The following FNDC3A variants were observed in gnomAD, a reference collection of about 807,000 sequenced individuals.
FNDC3A encodes fibronectin type III domain containing 3A.
In FNDC3A, 32 loss-of-function variants were observed where a neutral mutation model predicts 148.9. The observed-to-expected ratio is 0.21, with a 90% CI of 0.16 to 0.29. The LOEUF is 0.29. FNDC3A is among the 10% of genes least tolerant of loss of function. FNDC3A has a pLI of 1.00. For missense variants in FNDC3A, 1,191 were observed against 1,452.8 expected (o/e 0.82, Z 2.93); for synonymous variants, 472 against 473.6 (o/e 1.00, Z 0.04).
chr13:49,096,949 G>A (rs991739522), intron 3 of FNDC3A, among the ~76,000 whole-genome samples: 1 of 152,092 alleles, frequency 6.6e-6, no homozygotes, highest in East Asian at 1.9e-4. Flanking sequence ...GGAACAGCAT[G>A]TGCAAAGCCC....
chr13:48,996,510 A>T (rs1013450168), intron 1 of FNDC3A, among the ~76,000 whole-genome samples: 1 of 152,220 alleles, frequency 6.6e-6, no homozygotes, highest in South Asian at 2.1e-4. Flanking sequence ...TAGCATTTAT[A>T]TTGTATTAGG....
intron 3 of FNDC3A, among the ~76,000 whole-genome samples, chr13:49,093,892 G>A (rs1005987830): frequency 6.6e-6 from 1 of 152,172 alleles, no homozygotes; most frequent in Non-Finnish European, 1.5e-5. Flanking sequence ...GGGGCAAACA[G>A]AGTCTCTTTT....
chr13:49,128,786 A>G (rs963954852), intron 4 of FNDC3A, among the ~76,000 whole-genome samples: 1 of 152,192 alleles, frequency 6.6e-6, no homozygotes, highest in African/African-American at 2.4e-5. Flanking sequence ...TCCCTTGGGT[A>G]TAATCAGCCC....
Position 49,140,366 on chromosome 13 carries a change from G to T in FNDC3A, c.819+1561G>T, listed in dbSNP as rs903936720. ...TAAATAAATATATATATAATTTACA[G>T]ACAGGAAAAGTAAATCTTAAAGCCA... On this transcript the variant is annotated intron_variant, in intron 7 of 25. Transcript: ENST00000492622. 2.0e-5 allele frequency among the ~76,000 whole-genome samples: 3 copies of T among 152,166 alleles called. No homozygotes were observed. In the East Asian group the frequency reaches 5.8e-4, roughly 29 times the overall value.
chr13:49,151,089 TATGTCCATTTGGTCTA>T (rs1883265215), intron 8 of FNDC3A, among the ~76,000 whole-genome samples: 1 of 152,220 alleles, frequency 6.6e-6, no homozygotes, highest in African/African-American at 2.4e-5. Context: ...AAAGGTCAGT[TATGTCCATTTGGTCTA>T]ATGTGCCATT....
chr13:49,039,109 G>A (rs1395335849), intron 2 of FNDC3A, among the ~76,000 whole-genome samples: 1 of 152,066 alleles, frequency 6.6e-6, no homozygotes, highest in Non-Finnish European at 1.5e-5. Flanking sequence ...GTTCTCTTTT[G>A]TATGTAAGAA....
intron 3 of FNDC3A, among the ~76,000 whole-genome samples, chr13:49,109,592 G>T (rs1406724450): frequency 6.6e-6 from 1 of 152,014 alleles, no homozygotes; most frequent in Non-Finnish European, 1.5e-5. Context: ...GACATCTTTG[G>T]TCTCCTTTCT....
At chr13:49,162,599 G>A (rs540039816) in intron 8 of FNDC3A, among the ~76,000 whole-genome samples, 2 of 152,154 alleles carry the variant, frequency 1.3e-5, no homozygotes, top group Non-Finnish European at 2.9e-5. Context: ...ACTTTCTGAA[G>A]TCTACTTCTG....
intron 1 of FNDC3A, among the ~76,000 whole-genome samples, chr13:49,004,187 T>C (rs1003334020): frequency 7.2e-5 from 11 of 152,144 alleles, no homozygotes; most frequent in Admixed American, 4.6e-4. Flanking sequence ...ATGTAGAAAG[T>C]GAGTAGTAAC....
chr13:49,075,369 G>A lies in FNDC3A; in HGVS notation c.175+5G>A. ...GACAGTTTCAGTGCATTACAGGTAAGAATGGTAATTGAGAATAATCATTTG... is the reference window on the plus strand; with the variant it reads ...GACAGTTTCAGTGCATTACAGGTAAAAATGGTAATTGAGAATAATCATTTG... On this transcript the variant is annotated splice_donor_5th_base_variant and intron_variant, in intron 3 of 25. Transcript: ENST00000492622. The A allele has an allele frequency of 6.5e-7, 1 of 1,544,898 alleles. No homozygotes were observed. The highest frequency in any genetic ancestry group is 1.1e-5 in the South Asian group (1 of 88,644).
chr13:49,056,837 T>C (rs1289482516), intron 2 of FNDC3A, among the ~76,000 whole-genome samples: 2 of 152,228 alleles, frequency 1.3e-5, no homozygotes, highest in Non-Finnish European at 2.9e-5. Context: ...TTCAGATATT[T>C]AGACATTTTT....
At chr13:49,206,286 G>A (rs982129733) in intron 25 of FNDC3A, among the ~76,000 whole-genome samples, 4 of 152,160 alleles carry the variant, frequency 2.6e-5, no homozygotes, top group Non-Finnish European at 5.9e-5. Context: ...GGAGTGTGAA[G>A]TGGTAGAGCA....
At chr13:49,030,363 C>T (rs958903065) in intron 2 of FNDC3A, among the ~76,000 whole-genome samples, 27 of 152,116 alleles carry the variant, frequency 1.8e-4, no homozygotes, top group African/African-American at 6.0e-4. Flanking sequence ...TAGAAGGGAA[C>T]GTCCTCAACC....
rs9591233 is a variant in FNDC3A, at chr13:49,032,270, A to G, written c.99+25981A>G. ...TAAACATAGTGTTACCCTATGACCC[A>G]GTAATTTCACTCCTAGGTATATATC... On this transcript the variant is annotated intron_variant, in intron 2 of 25. Coordinates refer to ENST00000492622, the MANE Select transcript of FNDC3A (RefSeq NM_001079673.2). Among the ~76,000 whole-genome samples, 714 of 150,532 alleles carry G rather than the reference A, an allele frequency of 4.7e-3. 8 individuals carry two copies. The highest frequency in any genetic ancestry group is 0.016 in the African/African-American group (659 of 41,482).
At chr13:49,146,081 A>G (rs1047058615) in intron 8 of FNDC3A, 146 bp downstream of exon 8, 5 of 589,768 alleles carry the variant, frequency 8.5e-6, no homozygotes, top group Non-Finnish European at 1.5e-5. Flanking sequence ...TTCAATGTAA[A>G]TGGTCCAAAT....
chr13:49,174,493 T>C lies in FNDC3A; in HGVS notation c.1289T>C (p.Ile430Thr). ...CYMGSQKQFKITKLSPAMGCK... is the reference protein window; with the variant it reads ...CYMGSQKQFKTTKLSPAMGCK... The stretch of plus-strand genomic sequence containing the variant: ...ATGGGCTCACAGAAACAATTTAAAA[T>C]TACTAAACTTTCACCAGCAATGGGC... Residue 430 changes from isoleucine to threonine, a missense_variant, in exon 12 of 26, where the codon ATT becomes ACT. Ile to Thr is a moderately conservative substitution (Grantham distance 89). This residue lies in a region of FNDC3A where 751 missense variants were observed against 944.0 expected (regional missense o/e 0.80). Coordinates refer to ENST00000492622, the MANE Select transcript of FNDC3A (RefSeq NM_001079673.2). The C allele has an allele frequency of 6.2e-7, 1 of 1,612,680 alleles. No homozygotes were observed. The highest frequency in any genetic ancestry group is 2.2e-5 in the East Asian group (1 of 44,804).
chr13:49,019,258 C>T (rs998480447), intron 2 of FNDC3A, among the ~76,000 whole-genome samples: 8 of 152,256 alleles, frequency 5.3e-5, no homozygotes, highest in Admixed American at 1.3e-4. Flanking sequence ...AGCGAGACTC[C>T]GTGGGCGTAG....
intron 25 of FNDC3A, among the ~76,000 whole-genome samples, chr13:49,205,208 C>T (rs1251974847): frequency 6.6e-6 from 1 of 152,148 alleles, no homozygotes; most frequent in Non-Finnish European, 1.5e-5. Context: ...TACCAGATCT[C>T]TTATCACCCT....
At chr13:49,043,244 C>T (rs931842891) in intron 2 of FNDC3A, among the ~76,000 whole-genome samples, 2 of 152,030 alleles carry the variant, frequency 1.3e-5, no homozygotes, top group African/African-American at 4.8e-5. Flanking sequence ...GAATTACAGG[C>T]GTGAGCCACT....
Sources: allele counts gnomAD v4.1 joint callset (sites outside exome capture counted in the v4.1 genomes callset), GRCh38; gene constraint gnomAD v4.1.1; regional missense constraint gnomAD v4.1.1; transcripts MANE v1.5; gene names NCBI Gene and HGNC (gene_info 2026-07-23, HGNC 2026-07-21).